MAD1L1: variants seen among roughly 807,000 people sequenced by gnomAD.
MAD1L1 encodes the protein mitotic arrest deficient 1 like 1.
A neutral mutation model predicts 96.9 loss-of-function variants in MAD1L1; 95 were observed. That is an observed-to-expected ratio of 0.98 (90% CI 0.83 to 1.16). The LOEUF is 1.16. MAD1L1 is among the 50% of genes most tolerant of loss of function. The pLI is 0.00. For missense variants in MAD1L1, 1,007 were observed against 954.4 expected, an observed-to-expected ratio of 1.06 and a Z score of -0.73; for synonymous variants, 473 against 396.6, an observed-to-expected ratio of 1.19 and a Z score of -2.29.
At chr7:1,908,859 T>G (rs1330551019) in intron 17 of MAD1L1, among the ~76,000 whole-genome samples, 1 of 152,162 alleles carries the variant, frequency 6.6e-6, no homozygotes, top group Non-Finnish European at 1.5e-5. Context: ...CCACACGGCC[T>G]GGCTCCCCCA....
chr7:2,085,434 G>C (rs1026972998), intron 11 of MAD1L1, among the ~76,000 whole-genome samples: 1 of 152,138 alleles, frequency 6.6e-6, no homozygotes, highest in Non-Finnish European at 1.5e-5. Flanking sequence ...ATTGCCTCTC[G>C]GCCACCTGGT....
At chr7:2,107,983 C>G (rs994091853) in intron 11 of MAD1L1, among the ~76,000 whole-genome samples, 1 of 152,188 alleles carries the variant, frequency 6.6e-6, no homozygotes, top group Non-Finnish European at 1.5e-5. Context: ...GGCACCCCCC[C>G]ACCCCCCACC....
At chr7:1,978,373 G>A (rs1780741943) in intron 15 of MAD1L1, among the ~76,000 whole-genome samples, 1 of 152,222 alleles carries the variant, frequency 6.6e-6, no homozygotes, top group South Asian at 2.1e-4. Flanking sequence ...GGCATATTTT[G>A]CTCATCTCTG....
chr7:1,904,765 G>T (rs10277909), intron 17 of MAD1L1, among the ~76,000 whole-genome samples: 1 of 124,040 alleles, frequency 8.1e-6, no homozygotes, highest in East Asian at 2.3e-4. Context: ...CAGCAAGCAC[G>T]CAGTGGCCTA....
intron 18 of MAD1L1, among the ~76,000 whole-genome samples, chr7:1,888,757 GCATGTGTGTGTGTGGTTT>G (rs932983495): frequency 4.3e-4 from 65 of 150,056 alleles, no homozygotes; most frequent in South Asian, 1.7e-3. Context: ...GTGTGAGCAT[GCATGTGTGTGTGTGGTTT>G]CATGTGTGTG....
intron 18 of MAD1L1, among the ~76,000 whole-genome samples, chr7:1,843,076 G>T (rs998785580): frequency 6.6e-6 from 1 of 152,168 alleles, no homozygotes; most frequent in Non-Finnish European, 1.5e-5. Context: ...GGAGGACGGG[G>T]GCTAGAGAGC....
chr7:1,824,774 C>T (rs1328245286), intron 18 of MAD1L1, among the ~76,000 whole-genome samples: 1 of 152,048 alleles, frequency 6.6e-6, no homozygotes, highest in Admixed American at 6.5e-5. Flanking sequence ...TTGAGGCTGT[C>T]AGGAAATCAA....
chr7:1,874,409 GC>G lies in MAD1L1; in HGVS notation c.1998+23790del, dbSNP rs1428151217. The G allele has an allele frequency of 9.7e-6, 4 of 414,390 alleles. No homozygotes were observed. The East Asian group carries it at 2.9e-4, about 30-fold the overall frequency. The allele number at this position is 414,390 out of a possible 1,614,324, so 25.7% of individuals were successfully genotyped here. On this transcript the variant is annotated intron_variant, in intron 18 of 18. Transcript: ENST00000265854. ...GCACCGGGACGGGGGTAAGACGGTG[GC>G]CAGGCCGTGACATCGAGGGTAGCAC...
intron 12 of MAD1L1, 104 bp downstream of exon 12, chr7:2,069,090 C>A: frequency 7.1e-7 from 1 of 1,414,418 alleles, no homozygotes. Context: ...CCAACCCTGA[C>A]CCGGCTGCAG....
intron 11 of MAD1L1, among the ~76,000 whole-genome samples, chr7:2,140,366 G>A (rs1051496286): frequency 1.3e-5 from 2 of 152,224 alleles, no homozygotes; most frequent in African/African-American, 4.8e-5. Context: ...GGTGAAGGGT[G>A]CCGGTGCCAC....
intron 18 of MAD1L1, among the ~76,000 whole-genome samples, chr7:1,839,363 G>C (rs13233528): frequency 1.4e-5 from 1 of 70,822 alleles, no homozygotes; most frequent in African/African-American, 5.6e-5. Context: ...GCAGGAAAGC[G>C]TCCTGCCCCC....
chr7:2,127,496 G>A (rs1584387214), intron 11 of MAD1L1, among the ~76,000 whole-genome samples: 2 of 152,302 alleles, frequency 1.3e-5, no homozygotes, highest in East Asian at 3.9e-4. Flanking sequence ...GCTGCACACG[G>A]GGGAGCGGGC....
intron 10 of MAD1L1, among the ~76,000 whole-genome samples, chr7:2,180,085 C>T (rs1791129087): frequency 6.6e-6 from 1 of 152,308 alleles, no homozygotes; most frequent in South Asian, 2.1e-4. Flanking sequence ...TTCAACATCA[C>T]AAATGCCTGA....
chr7:2,139,456 G>C (rs1788918117), intron 11 of MAD1L1, among the ~76,000 whole-genome samples: 1 of 152,200 alleles, frequency 6.6e-6, no homozygotes, highest in Non-Finnish European at 1.5e-5. Flanking sequence ...CAGGGCCACA[G>C]CCCTGAGCTC....
At chr7:2,203,348 G>A (rs772330761) in intron 10 of MAD1L1, among the ~76,000 whole-genome samples, 9 of 152,184 alleles carry the variant, frequency 5.9e-5, no homozygotes, top group Admixed American at 6.5e-5. Flanking sequence ...CTGTGACTTC[G>A]AGCTGAATCT....
At chr7:1,907,979 A>T (rs1473371267) in intron 17 of MAD1L1, among the ~76,000 whole-genome samples, 1 of 152,150 alleles carries the variant, frequency 6.6e-6, no homozygotes, top group Non-Finnish European at 1.5e-5. Context: ...GCGGCCCGTG[A>T]CCCCAGAGCT....
At chr7:1,987,526 C>G (rs1275273416) in intron 14 of MAD1L1, among the ~76,000 whole-genome samples, 6 of 151,834 alleles carry the variant, frequency 4.0e-5, no homozygotes, top group African/African-American at 1.5e-4. Flanking sequence ...ATTTGAGAAG[C>G]CGTGTAGACA....
At chr7:2,042,122 G>T (rs1305968714) in intron 12 of MAD1L1, among the ~76,000 whole-genome samples, 3 of 148,354 alleles carry the variant, frequency 2.0e-5, no homozygotes. Context: ...CACACACGCA[G>T]ACACACATGC....
At chr7:2,100,706 C>T (rs1321028410) in intron 11 of MAD1L1, among the ~76,000 whole-genome samples, 3 of 152,254 alleles carry the variant, frequency 2.0e-5, no homozygotes, top group Admixed American at 2.0e-4. Flanking sequence ...AGCCCCAGGT[C>T]CTGGCCGCAA....
Sources: gnomAD v4.1 joint callset for allele counts (sites outside exome capture counted in the v4.1 genomes callset) on GRCh38, gnomAD v4.1.1 for gene constraint, MANE v1.5 for transcripts, NCBI Gene and HGNC (gene_info 2026-07-23, HGNC 2026-07-21) for gene names.